CENPC: variants seen among roughly 807,000 people sequenced by gnomAD.
CENPC encodes CENP-C 1.
In CENPC, 63 loss-of-function variants were observed where a neutral mutation model predicts 112.1. The observed-to-expected ratio is 0.56, with a 90% CI of 0.46 to 0.69. The LOEUF is 0.69. Among genes scored for constraint, CENPC ranks in the 30% least tolerant of loss-of-function variants. The probability of loss-of-function intolerance (pLI) is 0.00; values close to 1 mark genes in which losing one functional copy is unlikely to be tolerated. For missense variants in CENPC, 1,000 were observed against 1,103.8 expected (o/e 0.91, Z 1.33); for synonymous variants, 333 against 367.6 (o/e 0.91, Z 1.08).
At chr4:67,545,203 A>T in intron 1 of CENPC, 135 bp downstream of exon 1, 4 of 839,364 alleles carry the variant, frequency 4.8e-6, no homozygotes, top group Non-Finnish European at 6.8e-6. Flanking sequence ...TGATTTCAAA[A>T]ATTCCTGCGG....
At chr4:67,481,363 A>C (rs969843217) in intron 17 of CENPC, among the ~76,000 whole-genome samples, 2 of 152,216 alleles carry the variant, frequency 1.3e-5, no homozygotes, top group Non-Finnish European at 2.9e-5. Context: ...AATTCCCATC[A>C]AAATACTATC....
intron 17 of CENPC, among the ~76,000 whole-genome samples, chr4:67,480,964 G>T (rs1724941593): frequency 1.3e-5 from 2 of 152,292 alleles, no homozygotes; most frequent in Non-Finnish European, 2.9e-5. Context: ...ACAAAGGAAA[G>T]AAATAAAGGG....
At chr4:67,485,374 C>T (rs1166790740) in intron 17 of CENPC, among the ~76,000 whole-genome samples, 2 of 152,104 alleles carry the variant, frequency 1.3e-5, no homozygotes, top group Non-Finnish European at 2.9e-5. Flanking sequence ...GTTTTTTGAG[C>T]AACTAAAATA....
Position 67,514,433 on chromosome 4 carries a change from T to C in CENPC, c.1085A>G (p.Lys362Arg). Residue 362 changes from lysine (K) to arginine (R), a missense_variant, in exon 8 of 19, where the codon AAA becomes AGA. By Grantham distance (26) the Lys-to-Arg change is conservative (BLOSUM62 2). Coordinates refer to ENST00000273853, the MANE Select transcript of CENPC (RefSeq NM_001812.4). Reference protein sequence around the residue: ...NILPKTLANDKHSHKPHPVET... With the variant: ...NILPKTLANDRHSHKPHPVET... ...TACTGGGTGAGGTTTATGGGAATGT[T>C]TGTCATTTGCCAAAGTCTTAGGTAA... 4 of 1,613,620 alleles carry C rather than the reference T, an allele frequency of 2.5e-6. No homozygotes were observed. Among genetic ancestry groups the C allele is most frequent in the South Asian group, 2.2e-5 (2 of 91,058 alleles).
Position 67,544,198 on chromosome 4 carries a change from G to C in CENPC, c.19-3C>G. The C allele has an allele frequency of 6.5e-7, 1 of 1,536,412 alleles. No individual in the cohort carries two copies. Among genetic ancestry groups the C allele is most frequent in the Non-Finnish European group, 9.0e-7 (1 of 1,111,518 alleles). On this transcript the variant is annotated splice_region_variant and splice_polypyrimidine_tract_variant and intron_variant, in intron 1 of 18. Coordinates refer to ENST00000273853, the MANE Select transcript of CENPC (RefSeq NM_001812.4). The stretch of plus-strand genomic sequence containing the variant: ...CTGTAGCCATTTTTGAGATGATCCT[G>C]AAAGAAAAGTAAATCATCAATTTGG...
At chr4:67,530,267 G>GTGTCCT (rs1726506808) in intron 5 of CENPC, among the ~76,000 whole-genome samples, 1 of 152,102 alleles carries the variant, frequency 6.6e-6, no homozygotes, top group Non-Finnish European at 1.5e-5. Flanking sequence ...GGACACTAAA[G>GTGTCCT]TAAAAAGGAG....
intron 18 of CENPC, chr4:67,474,591 G>A (rs113515697): frequency 0.23 from 68,196 of 295,084 alleles, 8,998 homozygotes; most frequent in Admixed American, 0.34. Flanking sequence ...CCAGCTACTC[G>A]AGAGTCTGAG....
chr4:67,491,046 A>G (rs1725244963), intron 16 of CENPC, among the ~76,000 whole-genome samples: 1 of 151,370 alleles, frequency 6.6e-6, no homozygotes, highest in Non-Finnish European at 1.5e-5. Flanking sequence ...CCAAATAAAT[A>G]ATCTGCATAT....
At position 67,471,579 on chromosome 4, in the gene CENPC, T is replaced by A. The variant is rs1442894970; in HGVS notation, c.*1026A>T. The A allele has an allele frequency of 6.6e-6, 1 of 151,114 alleles. No individual in the cohort carries two copies. The highest frequency in any genetic ancestry group is 1.5e-5 in the Non-Finnish European group (1 of 67,672). 9.4% of individuals were successfully genotyped at this position (151,114 alleles called of 1,614,324 possible). A position where few individuals can be genotyped will look rare whatever the true frequency, so the allele number is the denominator to read the frequency against. ...TGACTCAATAAAAGAGAAATCACAA[T>A]AGAAAATTATAAAGTATAAAAAAAG... On this transcript the variant is annotated 3_prime_UTR_variant, in exon 19 of 19. Transcript: ENST00000273853.
chr4:67,510,573 G>C (rs1310523615), intron 9 of CENPC: 1 of 162,682 alleles, frequency 6.1e-6, no homozygotes, highest in African/African-American at 2.4e-5. Context: ...TCAGGTCTGT[G>C]CAAGTACAGA....
intron 12 of CENPC, among the ~76,000 whole-genome samples, chr4:67,503,930 C>T (rs891937835): frequency 9.2e-5 from 14 of 151,886 alleles, no homozygotes; most frequent in African/African-American, 1.2e-4. Context: ...ATTTAACATA[C>T]ACCTGATATT....
intron 4 of CENPC, among the ~76,000 whole-genome samples, chr4:67,537,751 C>T (rs1726769100): frequency 6.6e-6 from 1 of 152,102 alleles, no homozygotes; most frequent in African/African-American, 2.4e-5. Context: ...CAAGATAGCA[C>T]CACTACACTC....
chr4:67,544,376 C>T (rs1246679171), intron 1 of CENPC, among the ~76,000 whole-genome samples, 181 bp from the exon 2 acceptor site: 1 of 152,190 alleles, frequency 6.6e-6, no homozygotes, highest in Non-Finnish European at 1.5e-5. Context: ...AAAAACTGAA[C>T]TGCAGGCATC....
chr4:67,543,403 T>A lies in CENPC; in HGVS notation c.65+746A>T, dbSNP rs72915794. On this transcript the variant is annotated intron_variant, in intron 2 of 18. Coordinates refer to ENST00000273853, the MANE Select transcript of CENPC (RefSeq NM_001812.4). ...ACTACAACTTTAAAGCTTTTCTTAATATCAACAACACACAAATCCCTAATT... is the reference window on the plus strand; with the variant it reads ...ACTACAACTTTAAAGCTTTTCTTAAAATCAACAACACACAAATCCCTAATT... Among the ~76,000 whole-genome samples, 1,497 of 152,304 alleles carry A rather than the reference T, an allele frequency of 9.8e-3. 28 individuals carry two copies. The highest frequency in any genetic ancestry group is 0.035 in the African/African-American group (1,435 of 41,574).
chr4:67,519,029 C>T (rs529152579), intron 6 of CENPC, among the ~76,000 whole-genome samples, 188 bp downstream of exon 6: 1 of 152,296 alleles, frequency 6.6e-6, no homozygotes, highest in African/African-American at 2.4e-5. Context: ...CTAAACTTCT[C>T]TGAAGTACAC....
chr4:67,544,275 G>T, intron 1 of CENPC, 80 bp from the exon 2 acceptor site: 1 of 764,366 alleles, frequency 1.3e-6, no homozygotes, highest in Non-Finnish European at 2.3e-6. Flanking sequence ...ACTTCATCCA[G>T]TATGGGCATG....
chr4:67,480,530 C>T (rs988904390), intron 17 of CENPC, among the ~76,000 whole-genome samples: 2 of 150,994 alleles, frequency 1.3e-5, no homozygotes, highest in African/African-American at 4.9e-5. Flanking sequence ...TTGTCAACAA[C>T]AACAAAAAAG....
At chr4:67,524,440 G>A (rs1296116716) in intron 5 of CENPC, among the ~76,000 whole-genome samples, 9 of 152,140 alleles carry the variant, frequency 5.9e-5, no homozygotes, top group African/African-American at 1.4e-4. Flanking sequence ...AAACCCCATC[G>A]TTTCAGTCCC....
At position 67,501,086 on chromosome 4, in the gene CENPC, T is replaced by C. The variant is rs138033388; in HGVS notation, c.2131+4119A>G. Among the ~76,000 whole-genome samples, 752 of 152,204 alleles carry C rather than the reference T, an allele frequency of 4.9e-3. 9 individuals carry two copies. The highest frequency in any genetic ancestry group is 0.017 in the African/African-American group (713 of 41,522). On this transcript the variant is annotated intron_variant, in intron 12 of 18. Transcript: ENST00000273853. ...GCTTTGGGAGACTGAGGTGTGCAGATCACTTGAGGTCCAGAGTTTGAGACC... is the reference window on the plus strand; with the variant it reads ...GCTTTGGGAGACTGAGGTGTGCAGACCACTTGAGGTCCAGAGTTTGAGACC...
Sources: gnomAD v4.1 joint callset for allele counts (sites outside exome capture counted in the v4.1 genomes callset) on GRCh38, gnomAD v4.1.1 for gene constraint, MANE v1.5 for transcripts, NCBI Gene and HGNC (gene_info 2026-07-23, HGNC 2026-07-21) for gene names.